Variants in ADORA3 observed in about 807,000 individuals in gnomAD.
ADORA3 encodes adenosine receptor A3.
In ADORA3, 3 loss-of-function variants were observed where a neutral mutation model predicts 5.7. The observed-to-expected ratio is 0.52, with a 90% CI of 0.24 to 1.35. ADORA3 has a LOEUF of 1.35. Ranked by LOEUF, ADORA3 falls within the 40% of genes most tolerant of loss-of-function variation. The pLI is 0.17. For missense variants in ADORA3, 343 were observed against 389.0 expected (o/e 0.88, Z 0.99); for synonymous variants, 168 against 152.3 (o/e 1.10, Z -0.76).
Position 111,503,262 on chromosome 1 carries a change from C to G in ADORA3, c.93G>C (p.Val31=). The G allele has an allele frequency of 1.2e-6, 2 of 1,614,216 alleles. No homozygotes were observed. The highest frequency in any genetic ancestry group is 1.7e-6 in the Non-Finnish European group (2 of 1,180,022). ...TCAGCTTGACCACGCAGATGACCAG[C>G]ACGTTGCCCACTATGGCGCAGAGTC... ...FIGLCAIVGN[V]LVICVVKLNP... Residue 31 remains valine (V), a synonymous_variant, in exon 1 of 2, where the codon GTG becomes GTC. Coordinates refer to ENST00000241356, the MANE Select transcript of ADORA3 (RefSeq NM_000677.4).
chr1:111,501,878 G>T lies in ADORA3; in HGVS notation c.350+1127C>A, dbSNP rs1360296917. ...GAAACACGAGACCAATGCAATTTAG[G>T]TCACCCGGGGAAGTAGATTTCTCCA... On this transcript the variant is annotated intron_variant, in intron 1 of 1. Transcript: ENST00000241356. Among the ~76,000 whole-genome samples, 11 of 151,472 alleles carry T rather than the reference G, an allele frequency of 7.3e-5. No individual in the cohort carries two copies. In the Admixed American group the frequency reaches 7.3e-4, roughly 10 times the overall value.
At position 111,500,373 on chromosome 1, in the gene ADORA3, T is replaced by C. The variant is rs906958064; in HGVS notation, c.534A>G (p.Val178=). The change falls in exon 2 of 2, where the codon GTA becomes GTG. Residue 178 remains valine, a synonymous_variant. Transcript: ENST00000241356. ...AAATCCAGGTGAGGAAGCTGAAGTA[T>C]ACCATGTAGTCCATTCTCATGACGG... is the stretch of plus-strand genomic sequence containing the variant. ...FVSVMRMDYM[V]YFSFLTWIFI... The C allele has an allele frequency of 1.9e-6, 3 of 1,614,218 alleles. No individual in the cohort carries two copies. In the East Asian group the frequency reaches 6.7e-5, roughly 36 times the overall value.
chr1:111,500,486 C>T lies in ADORA3; in HGVS notation c.421G>A (p.Val141Met), dbSNP rs1557822903. 1 of 1,614,082 alleles carries T rather than the reference C, an allele frequency of 6.2e-7. No individual in the cohort carries two copies. Among genetic ancestry groups the T allele is most frequent in the East Asian group, 2.2e-5 (1 of 44,888 alleles). The change falls in exon 2 of 2, where the codon GTG becomes ATG. Residue 141 changes from valine to methionine, a missense_variant. Transcript: ENST00000241356. Reference sequence around the variant, plus strand: ...CAGCCAAACATGGGGGTCAATCCCACCAGGAATGACACCAGCCAGCAAAGG... The same window carrying T: ...CAGCCAAACATGGGGGTCAATCCCATCAGGAATGACACCAGCCAGCAAAGG... Reference protein sequence around the residue: ...LGLCWLVSFLVGLTPMFGWNM... With the variant: ...LGLCWLVSFLMGLTPMFGWNM...
At chr1:111,502,737 A>C (rs1278858565) in intron 1 of ADORA3, among the ~76,000 whole-genome samples, 2 of 151,678 alleles carry the variant, frequency 1.3e-5, no homozygotes, top group Non-Finnish European at 2.9e-5. Context: ...ATTTTTAGCC[A>C]AGGATTAGTA....
chr1:111,500,758 A>T (rs1158549662), intron 1 of ADORA3: 1 of 584,162 alleles, frequency 1.7e-6, no homozygotes, highest in African/African-American at 1.9e-5. Context: ...AGATGAGCAG[A>T]CAACGATTGG....
rs1655105051 is a variant in ADORA3 at position 111,500,321 on chromosome 1, T to C, written c.586A>G (p.Ile196Val). The C allele has an allele frequency of 1.2e-6, 2 of 1,614,096 alleles. No individual in the cohort carries two copies. Among genetic ancestry groups the C allele is most frequent in the Non-Finnish European group, 1.7e-6 (2 of 1,180,048 alleles). ...ATGATGTAAAAGATGTCAAGATAGA[T>C]GGCGCACATGACAACCAGGGGGATG... Reference protein sequence around the residue: ...IFIPLVVMCAIYLDIFYIIRN... With the variant: ...IFIPLVVMCAVYLDIFYIIRN... The change falls in exon 2 of 2, where the codon ATC (isoleucine) becomes GTC (valine). Residue 196 changes from isoleucine (I) to valine (V), a missense_variant. Transcript: ENST00000241356.
At chr1:111,500,782 A>C (rs1237268050) in intron 1 of ADORA3, 2 of 563,338 alleles carry the variant, frequency 3.6e-6, no homozygotes, top group Non-Finnish European at 6.2e-6. Flanking sequence ...AAAATCCAGG[A>C]AACTTCTCTG....
chr1:111,500,800 T>C, intron 1 of ADORA3: 1 of 549,768 alleles, frequency 1.8e-6, no homozygotes, highest in South Asian at 3.0e-5. Context: ...CTGGGGACTT[T>C]TCTAAAGAAG....
intron 1 of ADORA3, chr1:111,501,417 A>C (rs1237010658): frequency 6.6e-6 from 1 of 152,236 alleles, no homozygotes; most frequent in Non-Finnish European, 1.5e-5. Context: ...TTTTTATCTC[A>C]ATTAAATCTC....
In ADORA3 at chr1:111,500,247, T is replaced by C. The variant is rs749192276; in HGVS notation, c.660A>G (p.Ala220=). 2.5e-6 allele frequency: 4 copies of C among 1,614,150 alleles called. No homozygotes were observed. The East Asian group carries it at 8.9e-5, about 36-fold the overall frequency. ...LNLSNSKETG[A]FYGREFKTAK... ...CCGTCTTGAACTCCCGTCCATAAAA[T>C]GCACCTGTCTCTTTGGAGTTAGATA... The change falls in exon 2 of 2, where the codon GCA becomes GCG. Residue 220 remains alanine (A), a synonymous_variant. Transcript: ENST00000241356.
chr1:111,499,909 A>G lies in ADORA3; in HGVS notation c.*41T>C. ...GGCCCTCAAGTGTTTGTTGATGGGG[A>G]ATCTGAAGGTCAATGAGACAGAGTC... On this transcript the variant is annotated 3_prime_UTR_variant, in exon 2 of 2. Transcript: ENST00000241356. 6.3e-7 allele frequency: 1 copy of G among 1,596,806 alleles called. No individual in the cohort carries two copies. Among genetic ancestry groups the G allele is most frequent in the Admixed American group, 1.7e-5 (1 of 58,536 alleles).
At chr1:111,502,976 A>T in intron 1 of ADORA3, 29 bp downstream of exon 1, 1 of 1,605,910 alleles carries the variant, frequency 6.2e-7, no homozygotes, top group Admixed American at 1.7e-5. Flanking sequence ...AGCTGCCTCA[A>T]TTGCTGCCCA....
At chr1:111,500,922 T>TTTTTC (rs1491432275) in intron 1 of ADORA3, 4 of 49,856 alleles carry the variant, frequency 8.0e-5, no homozygotes, top group Non-Finnish European at 2.3e-4. Context: ...TTTCTTTTTC[T>TTTTTC]TTTTTTTTTT....
Position 111,502,270 on chromosome 1 carries a change from ATATATT to A in ADORA3, c.350+729_350+734del, listed in dbSNP as rs1367109604. On this transcript the variant is annotated intron_variant, in intron 1 of 1. Transcript: ENST00000241356. The stretch of plus-strand genomic sequence containing the variant: ...ATTTATTATAATAAATATATAGGAT[ATATATT>A]CATTATAATAAATATATAGGATATA... Among the ~76,000 whole-genome samples the A allele has an allele frequency of 1.2e-4, 11 of 95,170 alleles. 1 individual carries two copies. The highest frequency in any genetic ancestry group is 4.7e-4 in the African/African-American group (11 of 23,494). The allele number at this position is 95,170 out of a possible 152,430, so 62.4% of individuals were successfully genotyped here. A position where few individuals can be genotyped will look rare whatever the true frequency, so the allele number is the denominator to read the frequency against.
chr1:111,500,599 C>A, intron 1 of ADORA3, 43 bp from the exon 2 acceptor site: 1 of 1,587,120 alleles, frequency 6.3e-7, no homozygotes, highest in Non-Finnish European at 8.6e-7. Flanking sequence ...GCAGTAATTG[C>A]TAAAGGGTAG....
rs754687706 is a variant in ADORA3 at position 111,500,379 on chromosome 1, G to A, written c.528C>T (p.Tyr176=). The A allele has an allele frequency of 1.9e-6, 3 of 1,614,210 alleles. No individual in the cohort carries two copies. The Admixed American group carries it at 5.0e-5, about 27-fold the overall frequency. ...AGGTGAGGAAGCTGAAGTATACCAT[G>A]TAGTCCATTCTCATGACGGAAACAA... ...CQFVSVMRMD[Y]MVYFSFLTWI... Residue 176 remains tyrosine, a synonymous_variant, in exon 2 of 2, where the codon TAC becomes TAT. Coordinates refer to ENST00000241356, the MANE Select transcript of ADORA3 (RefSeq NM_000677.4).
chr1:111,499,577 G>A lies in ADORA3; in HGVS notation c.*373C>T. On this transcript the variant is annotated 3_prime_UTR_variant, in exon 2 of 2. Transcript: ENST00000241356. ...CTCTGCTCAATTCCACAATGGTATG[G>A]AAATGAGTCACCACCACACACATGT... The A allele has an allele frequency of 9.7e-7, 1 of 1,027,006 alleles. No individual in the cohort carries two copies. Among genetic ancestry groups the A allele is most frequent in the Non-Finnish European group, 1.2e-6 (1 of 853,902 alleles). The allele number at this position is 1,027,006 out of a possible 1,614,324, so 63.6% of individuals were successfully genotyped here.
At position 111,500,317 on chromosome 1, in the gene ADORA3, T is replaced by A. The variant is rs755987513; in HGVS notation, c.590A>T (p.Tyr197Phe). The change falls in exon 2 of 2, where the codon TAT becomes TTT. Residue 197 changes from tyrosine (Y) to phenylalanine (F), a missense_variant. Tyr to Phe is a conservative substitution (Grantham distance 22, BLOSUM62 3). Coordinates refer to ENST00000241356, the MANE Select transcript of ADORA3 (RefSeq NM_000677.4). ...CCGAATGATGTAAAAGATGTCAAGA[T>A]AGATGGCGCACATGACAACCAGGGG... Reference protein sequence around the residue: ...FIPLVVMCAIYLDIFYIIRNK... With the variant: ...FIPLVVMCAIFLDIFYIIRNK... The A allele has an allele frequency of 1.9e-6, 3 of 1,614,214 alleles. No homozygotes were observed. Among genetic ancestry groups the A allele is most frequent in the Non-Finnish European group, 2.5e-6 (3 of 1,180,040 alleles).
intron 1 of ADORA3, among the ~76,000 whole-genome samples, chr1:111,501,858 A>T (rs968787990): frequency 1.3e-5 from 2 of 151,852 alleles, no homozygotes; most frequent in Admixed American, 1.3e-4. Flanking sequence ...GACGAGAAAC[A>T]CGAGACCAAT....
Sources: allele counts gnomAD v4.1 joint callset (sites outside exome capture counted in the v4.1 genomes callset), GRCh38; gene constraint gnomAD v4.1.1; transcripts MANE v1.5; gene names NCBI Gene and HGNC (gene_info 2026-07-23, HGNC 2026-07-21).